ANGEL1: variants seen among roughly 807,000 people sequenced by gnomAD.
The protein encoded by ANGEL1 is RNA 2',3'-cyclic phosphatase ANGEL1.
A neutral mutation model predicts 76.4 loss-of-function variants in ANGEL1; 62 were observed. That is an observed-to-expected ratio of 0.81 (90% confidence interval 0.66 to 1.00). The LOEUF (loss-of-function observed/expected upper bound fraction) is 1.00, where lower values mean the gene tolerates loss of function less well. Among genes scored for constraint, ANGEL1 ranks in the 50% least tolerant of loss-of-function variants. ANGEL1 has a pLI of 0.00. For synonymous variants in ANGEL1, 340 were observed against 331.7 expected (o/e 1.03, Z -0.27); for missense variants, 737 against 836.7 (o/e 0.88, Z 1.47).
chr14:76,802,634 G>A (rs982879743), intron 7 of ANGEL1, among the ~76,000 whole-genome samples: 8 of 151,784 alleles, frequency 5.3e-5, no homozygotes, highest in African/African-American at 1.7e-4. Flanking sequence ...GGATCAAAAC[G>A]GGTCCAGAGA....
chr14:76,793,548 GTTTT>G (rs1293106534), intron 7 of ANGEL1, among the ~76,000 whole-genome samples: 1 of 10,676 alleles, frequency 9.4e-5, no homozygotes, highest in Admixed American at 2.0e-3. Context: ...CAACTGGTTG[GTTTT>G]TTTGGTTTTT....
At position 76,809,470 on chromosome 14, in the gene ANGEL1, G is replaced by C; in HGVS notation, c.238C>G (p.Pro80Ala). 1.2e-6 allele frequency: 2 copies of C among 1,614,178 alleles called. No homozygotes were observed. The highest frequency in any genetic ancestry group is 1.7e-6 in the Non-Finnish European group (2 of 1,180,028). Residue 80 changes from proline (P) to alanine (A), a missense_variant, in exon 2 of 10, where the codon CCC becomes GCC. Physicochemically the swap from Pro to Ala is conservative, Grantham distance 27 (BLOSUM62 -1). Coordinates refer to ENST00000251089, the MANE Select transcript of ANGEL1 (RefSeq NM_015305.4). ...SQVLSTASEG[P>A]LIDKGLAQSS... ...TGGGCTAGTCCTTTATCTATAAGGGGCCCCTCACTTGCAGTTGAGAGCACC... is the reference window on the plus strand; with the variant it reads ...TGGGCTAGTCCTTTATCTATAAGGGCCCCCTCACTTGCAGTTGAGAGCACC...
chr14:76,810,375 C>T (rs1895048929), intron 1 of ANGEL1: 2 of 243,728 alleles, frequency 8.2e-6, no homozygotes, highest in South Asian at 7.4e-5. Flanking sequence ...CTATGACTGC[C>T]CTTCTGCACT....
chr14:76,807,539 G>A, intron 3 of ANGEL1, 37 bp from the exon 4 acceptor site: 1 of 1,599,814 alleles, frequency 6.3e-7, no homozygotes, highest in East Asian at 2.2e-5. Flanking sequence ...ACTCCAGAGT[G>A]CTGGAATGTG....
chr14:76,787,343 G>C lies in ANGEL1; in HGVS notation c.*1885C>G, dbSNP rs1357664522. The C allele has an allele frequency of 6.6e-6, 1 of 152,264 alleles. No homozygotes were observed. The highest frequency in any genetic ancestry group is 2.4e-5 in the African/African-American group (1 of 41,452). 9.4% of individuals were successfully genotyped at this position (152,264 alleles called of 1,614,324 possible). ...AACAGAAACAAGAAAGCAAGGAAAA[G>C]ATAATCTATCAAGCATCTGCCCTCT... On this transcript the variant is annotated 3_prime_UTR_variant, in exon 10 of 10. Coordinates refer to ENST00000251089, the MANE Select transcript of ANGEL1 (RefSeq NM_015305.4).
At position 76,787,743 on chromosome 14, in the gene ANGEL1, C is replaced by T. The variant is rs1303795001; in HGVS notation, c.*1485G>A. On this transcript the variant is annotated 3_prime_UTR_variant, in exon 10 of 10. Coordinates refer to ENST00000251089, the MANE Select transcript of ANGEL1 (RefSeq NM_015305.4). The stretch of plus-strand genomic sequence containing the variant: ...CTCTTGACCACTGTCTTCAGTCCCA[C>T]TTTGGAGGTCGAGTGAGGCAAGAGC... 6.6e-6 allele frequency: 1 copy of T among 152,662 alleles called. No individual in the cohort carries two copies. Among genetic ancestry groups the T allele is most frequent in the East Asian group, 1.9e-4 (1 of 5,188 alleles). The allele number at this position is 152,662 out of a possible 1,614,324, so 9.5% of individuals were successfully genotyped here. A position where few individuals can be genotyped will look rare whatever the true frequency, so the allele number is the denominator to read the frequency against.
At chr14:76,804,747 C>T (rs975986447) in intron 5 of ANGEL1, among the ~76,000 whole-genome samples, 2 of 152,220 alleles carry the variant, frequency 1.3e-5, no homozygotes, top group East Asian at 1.9e-4. Flanking sequence ...CAGTGGCTCA[C>T]GCCTGTAATC....
At chr14:76,802,656 T>C (rs551517768) in intron 7 of ANGEL1, among the ~76,000 whole-genome samples, 6 of 152,070 alleles carry the variant, frequency 3.9e-5, no homozygotes, top group African/African-American at 1.4e-4. Flanking sequence ...TCTCCTATCA[T>C]GACCTGTGCT....
intron 9 of ANGEL1, 134 bp downstream of exon 9, chr14:76,790,477 G>A: frequency 6.9e-7 from 1 of 1,446,784 alleles, no homozygotes; most frequent in Admixed American, 2.6e-5. Flanking sequence ...GATGACCAGT[G>A]CAAGGGAGGT....
At chr14:76,810,105 A>G (rs1895039393) in intron 1 of ANGEL1, 2 of 444,804 alleles carry the variant, frequency 4.5e-6, no homozygotes, top group South Asian at 1.6e-5. Context: ...CAATGCCCCT[A>G]GTCAGATGAA....
rs1076584 is a variant in ANGEL1 at position 76,787,756 on chromosome 14, G to A, written c.*1472C>T. ...TCTTCAGTCCCACTTTGGAGGTCGA[G>A]TGAGGCAAGAGCAAGTCAAATCTAC... On this transcript the variant is annotated 3_prime_UTR_variant, in exon 10 of 10. Transcript: ENST00000251089. 0.11 allele frequency: 16,319 copies of A among 152,518 alleles called. 983 individuals are homozygous for A. Among genetic ancestry groups the A allele is most frequent in the East Asian group, 0.25 (1,292 of 5,168 alleles). The allele number at this position is 152,518 out of a possible 1,614,324, so 9.4% of individuals were successfully genotyped here.
At chr14:76,807,808 A>G in intron 3 of ANGEL1, 114 bp downstream of exon 3, 1 of 1,189,660 alleles carries the variant, frequency 8.4e-7, no homozygotes, top group Non-Finnish European at 1.2e-6. Flanking sequence ...CTCCAGCCCT[A>G]GATAGGACTC....
chr14:76,794,600 G>C, intron 7 of ANGEL1, among the ~76,000 whole-genome samples: 1 of 151,404 alleles, frequency 6.6e-6, no homozygotes, highest in Admixed American at 6.6e-5. Flanking sequence ...GAACATGGGA[G>C]GCAGAGGTTG....
intron 4 of ANGEL1, 121 bp downstream of exon 4, chr14:76,807,312 A>G: frequency 1.1e-6 from 1 of 924,104 alleles, no homozygotes. Context: ...ACATGGAAGG[A>G]GCTAGCTCAC....
chr14:76,801,114 T>C (rs1050961462), intron 7 of ANGEL1, among the ~76,000 whole-genome samples: 4 of 116,058 alleles, frequency 3.4e-5, no homozygotes, highest in African/African-American at 1.3e-4. Flanking sequence ...TCCTACATCT[T>C]TTTTTTTTTT....
At chr14:76,809,032 GCTCA>G (rs1241681422) in intron 2 of ANGEL1, 23 bp downstream of exon 2, 10 of 1,579,698 alleles carry the variant, frequency 6.3e-6, no homozygotes, top group Non-Finnish European at 8.6e-6. Flanking sequence ...TGTTCCCTTG[GCTCA>G]CTCAACCAGT....
chr14:76,797,356 T>C (rs956401341), intron 7 of ANGEL1, among the ~76,000 whole-genome samples: 3 of 151,946 alleles, frequency 2.0e-5, no homozygotes, highest in Non-Finnish European at 4.4e-5. Flanking sequence ...TCCTAGCACT[T>C]TGGGAGGCCG....
chr14:76,804,907 G>A (rs2140225932), intron 5 of ANGEL1, among the ~76,000 whole-genome samples: 1 of 152,248 alleles, frequency 6.6e-6, no homozygotes, highest in East Asian at 1.9e-4. Flanking sequence ...CTACTTGGGA[G>A]GCTGAGGCAG....
intron 2 of ANGEL1, 69 bp from the exon 3 acceptor site, chr14:76,808,217 C>A: frequency 1.5e-6 from 2 of 1,337,108 alleles, no homozygotes; most frequent in South Asian, 2.6e-5. Context: ...ATCTCCACTC[C>A]TGACTCAGTA....
Sources: gnomAD v4.1 joint callset for allele counts (sites outside exome capture counted in the v4.1 genomes callset) on GRCh38, gnomAD v4.1.1 for gene constraint, MANE v1.5 for transcripts, NCBI Gene and HGNC (gene_info 2026-07-23, HGNC 2026-07-21) for gene names.